RGPD2: variants seen among roughly 807,000 people sequenced by gnomAD.
RGPD2 encodes the protein RANBP2-like and GRIP domain-containing protein 2.
RGPD2 carries 2 observed loss-of-function variants against 36.0 expected under a neutral mutation model. That is an observed-to-expected ratio of 0.06 (90% CI 0.02 to 0.17). The LOEUF (loss-of-function observed/expected upper bound fraction) is 0.17, where lower values mean the gene tolerates loss of function less well. RGPD2 is among the 10% of genes least tolerant of loss of function. RGPD2 has a pLI of 1.00. For missense variants in RGPD2, 40 were observed against 464.3 expected (o/e 0.09, Z 8.40); for synonymous variants, 19 against 163.8 (o/e 0.12, Z 6.75).
At chr2:87,883,407 C>A in the RGPD2 span, among the ~76,000 whole-genome samples, 5 of 151,378 alleles carry the variant, frequency 3.3e-5, no homozygotes, top group South Asian at 8.3e-4. Flanking sequence ...AAAAAAAAGG[C>A]CCTAATAAAA....
At chr2:87,911,453 T>C in the RGPD2 span, among the ~76,000 whole-genome samples, 1 of 151,548 alleles carries the variant, frequency 6.6e-6, no homozygotes, top group Non-Finnish European at 1.5e-5. Context: ...ACATTTAATA[T>C]TTCCTGTTAT....
In RGPD2 at chr2:87,756,961, TTCA is replaced by T. The variant is rs1193560687; in HGVS notation, c.*428_*430del. On this transcript the variant is annotated 3_prime_UTR_variant, in exon 23 of 23. Transcript: ENST00000398146. Reference sequence around the variant, plus strand: ...TCAGACTTTTCCTTTCATCTTTGTGTTCATCTACTGTAAAGTGTCCGTCTGTGT... The same window carrying T: ...TCAGACTTTTCCTTTCATCTTTGTGTTCTACTGTAAAGTGTCCGTCTGTGT... 5.5e-6 allele frequency: 5 copies of T among 902,512 alleles called. No homozygotes were observed. The highest frequency in any genetic ancestry group is 1.6e-5 in the African/African-American group (1 of 63,008). 55.9% of individuals were successfully genotyped at this position (902,512 alleles called of 1,614,324 possible).
chr2:87,857,620 T>C, the RGPD2 span, among the ~76,000 whole-genome samples: 2 of 151,260 alleles, frequency 1.3e-5, no homozygotes, highest in African/African-American at 2.4e-5. Flanking sequence ...CCACCGCGCC[T>C]GGCCCAAAAT....
At chr2:87,884,751 G>A in the RGPD2 span, among the ~76,000 whole-genome samples, 9 of 151,706 alleles carry the variant, frequency 5.9e-5, no homozygotes, top group African/African-American at 2.2e-4. Context: ...TGATAAGATG[G>A]GAAATCTTAA....
At chr2:87,824,747 CCG>C in intron 1 of RGPD2, among the ~76,000 whole-genome samples, 1 of 96,202 alleles carries the variant, frequency 1.0e-5, no homozygotes, top group Non-Finnish European at 2.4e-5. Context: ...GCCGAGGCCG[CCG>C]CCGCCGCCGC....
the RGPD2 span, among the ~76,000 whole-genome samples, chr2:87,892,370 G>T: frequency 6.6e-6 from 1 of 151,998 alleles, no homozygotes; most frequent in South Asian, 2.1e-4. Flanking sequence ...GTAGTGCCCT[G>T]GCAACTGTCT....
chr2:87,957,728 A>C, the RGPD2 span, among the ~76,000 whole-genome samples: 1 of 152,284 alleles, frequency 6.6e-6, no homozygotes, highest in Non-Finnish European at 1.5e-5. Flanking sequence ...CCAACTTCAG[A>C]TAATTGTTAA....
chr2:87,826,253 C>G (rs1686808384), upstream of RGPD2, among the ~76,000 whole-genome samples: 1 of 151,018 alleles, frequency 6.6e-6, no homozygotes, highest in South Asian at 2.1e-4. Flanking sequence ...CTAAAATATA[C>G]TTGTAGCAAC....
the RGPD2 span, among the ~76,000 whole-genome samples, chr2:87,957,726 A>C: frequency 6.6e-6 from 1 of 152,292 alleles, no homozygotes; most frequent in Non-Finnish European, 1.5e-5. Context: ...CACCAACTTC[A>C]GATAATTGTT....
the RGPD2 span, among the ~76,000 whole-genome samples, chr2:87,907,464 G>GAAAAAAAA: frequency 5.0e-4 from 1 of 2,012 alleles, no homozygotes; most frequent in Non-Finnish European, 7.7e-4. Flanking sequence ...AAAAAAAAAA[G>GAAAAAAAA]AATTGTGGGT....
chr2:87,857,219 T>G, the RGPD2 span, among the ~76,000 whole-genome samples: 1 of 152,254 alleles, frequency 6.6e-6, no homozygotes, highest in Non-Finnish European at 1.5e-5. Flanking sequence ...ATTAGGAAAA[T>G]TATGCACATT....
At chr2:87,761,144 ATGG>A (rs1458449552) in intron 22 of RGPD2, among the ~76,000 whole-genome samples, 7 of 48,666 alleles carry the variant, frequency 1.4e-4, no homozygotes, top group African/African-American at 5.4e-4. Flanking sequence ...CATTTCTGTT[ATGG>A]TGTTTTTTAT....
chr2:87,914,923 G>A, the RGPD2 span, among the ~76,000 whole-genome samples: 27 of 152,228 alleles, frequency 1.8e-4, no homozygotes, highest in Admixed American at 3.3e-4. Context: ...TGAGGCAGGC[G>A]GATCACCTAA....
Position 87,783,010 on chromosome 2 carries a change from T to C in RGPD2, c.4014A>G (p.Glu1338=). Reference sequence around the variant, plus strand: ...GTTCATTTTCCTCACCACTGGATACTTCAACTAGATCAGGTAAAGGAACAA... The same window carrying C: ...GTTCATTTTCCTCACCACTGGATACCTCAACTAGATCAGGTAAAGGAACAA... ...EPVVPLPDLV[E]VSSGEENEQV... Residue 1338 remains glutamate (E), a synonymous_variant, in exon 20 of 23, where the codon GAA becomes GAG. Coordinates refer to ENST00000398146, the MANE Select transcript of RGPD2 (RefSeq NM_001078170.3). 1 of 1,608,428 alleles carries C rather than the reference T, an allele frequency of 6.2e-7. No individual in the cohort carries two copies. The highest frequency in any genetic ancestry group is 8.5e-7 in the Non-Finnish European group (1 of 1,178,554).
chr2:87,977,771 AT>A, the RGPD2 span, among the ~76,000 whole-genome samples: 3 of 152,094 alleles, frequency 2.0e-5, no homozygotes, highest in Admixed American at 6.5e-5. Context: ...CATAGGCTTC[AT>A]TTTTTTTCCT....
At chr2:87,875,828 T>C in the RGPD2 span, among the ~76,000 whole-genome samples, 3 of 152,278 alleles carry the variant, frequency 2.0e-5, no homozygotes, top group African/African-American at 7.2e-5. Context: ...ATTCATCCTT[T>C]AGTCCTTCTG....
the RGPD2 span, among the ~76,000 whole-genome samples, chr2:87,975,077 C>T: frequency 6.6e-6 from 1 of 152,124 alleles, no homozygotes; most frequent in Non-Finnish European, 1.5e-5. Flanking sequence ...GGCCACATCC[C>T]TTGTGTTTTC....
In RGPD2 at chr2:87,806,717, C is replaced by T. The variant is rs1353246051; in HGVS notation, c.954G>A (p.Leu318=). 1.4e-5 allele frequency: 1 copy of T among 69,900 alleles called. No individual in the cohort carries two copies. The highest frequency in any genetic ancestry group is 9.0e-5 in the South Asian group (1 of 11,078). The allele number at this position is 69,900 out of a possible 1,614,324, so 4.3% of individuals were successfully genotyped here. ...QWQALSELAA[L]CYVIAFQVPR... ...TTACCTGAAATGCTATGACATAGCA[C>T]AATGCAGCCAGCTCAGAAAGAGCTT... The change falls in exon 7 of 23, where the codon TTG becomes TTA. Residue 318 remains leucine (L), a synonymous_variant. Transcript: ENST00000398146.
chr2:87,951,537 A>G, the RGPD2 span, among the ~76,000 whole-genome samples: 1 of 152,064 alleles, frequency 6.6e-6, no homozygotes, highest in African/African-American at 2.4e-5. Context: ...TAGTTCCTTG[A>G]GGACAGAGAC....
Sources: allele counts gnomAD v4.1 joint callset (sites outside exome capture counted in the v4.1 genomes callset), GRCh38; gene constraint gnomAD v4.1.1; transcripts MANE v1.5; gene names NCBI Gene and HGNC (gene_info 2026-07-23, HGNC 2026-07-21).